The following MUC5AC variants were observed in gnomAD, a reference collection of about 807,000 sequenced individuals.
MUC5AC encodes the protein mucin 5AC, oligomeric mucus/gel-forming.
Under a neutral mutation model 169.7 loss-of-function variants are expected in MUC5AC, and 158 were observed. The ratio of observed to expected loss-of-function variants is 0.93; its 90% confidence interval spans 0.82 to 1.06. The LOEUF is 1.06. Ranked by LOEUF, MUC5AC falls within the 50% of genes least tolerant of loss-of-function variation. The probability of loss-of-function intolerance (pLI) is 0.00; values close to 1 mark genes in which losing one functional copy is unlikely to be tolerated. For missense variants in MUC5AC, 4,359 were observed against 3,089.9 expected (o/e 1.41, Z -9.74); for synonymous variants, 1,975 against 1,237.0 (o/e 1.60, Z -12.52).
In MUC5AC at chr11:1,200,602, C is replaced by G. The variant is rs768288682; in HGVS notation, c.16865C>G (p.Pro5622Arg). 1.3e-6 allele frequency: 1 copy of G among 764,516 alleles called. No individual in the cohort carries two copies. The highest frequency in any genetic ancestry group is 1.3e-5 in the South Asian group (1 of 74,554). The allele number at this position is 764,516 out of a possible 1,614,324, so 47.4% of individuals were successfully genotyped here. A position where few individuals can be genotyped will look rare whatever the true frequency, so the allele number is the denominator to read the frequency against. Residue 5622 changes from proline to arginine, a missense_variant, in exon 49 of 49, where the codon CCG becomes CGG. By Grantham distance (103) the Pro-to-Arg change is moderately radical (BLOSUM62 -2). Coordinates refer to ENST00000621226, the MANE Select transcript of MUC5AC (RefSeq NM_001304359.2). ...CGCMGRRCPAPGDTQHSEEAE... is the reference protein window; with the variant it reads ...CGCMGRRCPARGDTQHSEEAE... ...TGCATGGGCCGGCGGTGCCCTGCGC[C>G]GGGCGACACCCAGCACTCGGAGGAG...
Position 1,175,105 on chromosome 11 carries a change from T to C in MUC5AC, c.2316T>C (p.Asn772=), listed in dbSNP as rs943970732. The C allele has an allele frequency of 2.5e-5, 10 of 399,166 alleles. No homozygotes were observed. Among genetic ancestry groups the C allele is most frequent in the Admixed American group, 2.2e-4 (5 of 22,728 alleles). The allele number at this position is 399,166 out of a possible 1,614,324, so 24.7% of individuals were successfully genotyped here. The change falls in exon 18 of 49, where the codon AAT becomes AAC. Residue 772 remains asparagine (N), a synonymous_variant. Transcript: ENST00000621226. ...ACCACAGAGGCTCCATGATCCCCAA[T>C]GGGGAGTCGGTGCACGACAGCGGGG... is the stretch of plus-strand genomic sequence containing the variant. ...PCYHRGSMIP[N]GESVHDSGAI...
At position 1,190,289 on chromosome 11, in the gene MUC5AC, G is replaced by A; in HGVS notation, c.12144G>A (p.Val4048=). Residue 4048 remains valine, a synonymous_variant, in exon 31 of 49, where the codon GTG becomes GTA. Coordinates refer to ENST00000621226, the MANE Select transcript of MUC5AC (RefSeq NM_001304359.2). ...FKMCLNYEVR[V]LCCETPKGCP... ...TGTGCCTCAACTACGAGGTGCGTGT[G>A]CTCTGCTGCGAGACCCCCAAAGGCT... The A allele has an allele frequency of 8.5e-6, 6 of 703,222 alleles. No individual in the cohort carries two copies. Among genetic ancestry groups the A allele is most frequent in the South Asian group, 1.6e-5 (1 of 63,722 alleles). The allele number at this position is 703,222 out of a possible 1,614,324, so 43.6% of individuals were successfully genotyped here. A position where few individuals can be genotyped will look rare whatever the true frequency, so the allele number is the denominator to read the frequency against.
At position 1,184,946 on chromosome 11, in the gene MUC5AC, T is replaced by C. The variant is rs1388089931; in HGVS notation, c.6801T>C (p.Ser2267=). The change falls in exon 31 of 49, where the codon AGT becomes AGC. Residue 2267 remains serine, a synonymous_variant. Transcript: ENST00000621226. ...GCACAACCTCCACTCCACAGACCAG[T>C]ACAACCTATGCCCATACAACCAGCA... ...TTSTTSTPQT[S]TTYAHTTSTT... is the part of the protein sequence containing the mutation. 7 of 660,352 alleles carry C rather than the reference T, an allele frequency of 1.1e-5. No homozygotes were observed. Among genetic ancestry groups the C allele is most frequent in the African/African-American group, 3.6e-5 (2 of 55,812 alleles). The allele number at this position is 660,352 out of a possible 1,614,324, so 40.9% of individuals were successfully genotyped here. A position where few individuals can be genotyped will look rare whatever the true frequency, so the allele number is the denominator to read the frequency against.
In MUC5AC at chr11:1,194,607, G is replaced by GGA. The variant is rs1316593737; in HGVS notation, c.15128_15129insAG (p.Leu5044AlafsTer52). The GGA allele has an allele frequency of 1.3e-6, 1 of 764,464 alleles. No homozygotes were observed. The highest frequency in any genetic ancestry group is 1.7e-5 in the African/African-American group (1 of 59,140). The allele number at this position is 764,464 out of a possible 1,614,324, so 47.4% of individuals were successfully genotyped here. On this transcript the variant is annotated frameshift_variant, in exon 35 of 49. Coordinates refer to ENST00000621226, the MANE Select transcript of MUC5AC (RefSeq NM_001304359.2). LOFTEE classifies it high-confidence loss of function. ...GCTGGGAGTCCAGGTCATGTTCTCC[G>GGA]GCCTCATCTTCTCCGTGGAGGTGCC...
At position 1,183,599 on chromosome 11, in the gene MUC5AC, G is replaced by A; in HGVS notation, c.5454G>A (p.Val1818=). 2 of 644,540 alleles carry A rather than the reference G, an allele frequency of 3.1e-6. No individual in the cohort carries two copies. The highest frequency in any genetic ancestry group is 2.8e-6 in the Non-Finnish European group (1 of 359,598). 39.9% of individuals were successfully genotyped at this position (644,540 alleles called of 1,614,324 possible). The change falls in exon 31 of 49, where the codon GTG becomes GTA. Residue 1818 remains valine (V), a synonymous_variant. Coordinates refer to ENST00000621226, the MANE Select transcript of MUC5AC (RefSeq NM_001304359.2). ...AGTGCAGCCGGGAAGAGGGCCTGGT[G>A]TGCCGGAACCAGGACCAGCAGGGAC... ...VVQCSREEGL[V]CRNQDQQGPF...
chr11:1,182,732 C>G lies in MUC5AC; in HGVS notation c.4587C>G (p.Thr1529=). The change falls in exon 31 of 49, where the codon ACC becomes ACG. Residue 1529 remains threonine (T), a synonymous_variant. Coordinates refer to ENST00000621226, the MANE Select transcript of MUC5AC (RefSeq NM_001304359.2). ...STARTTPAPG[T]ATSVKKTFST... is the part of the protein sequence containing the mutation. ...CCAGGACGACACCTGCCCCAGGTAC[C>G]GCTACCTCTGTCAAAAAAACTTTCT... The G allele has an allele frequency of 2.5e-6, 1 of 398,494 alleles. No individual in the cohort carries two copies. The highest frequency in any genetic ancestry group is 4.4e-6 in the Non-Finnish European group (1 of 226,044). The allele number at this position is 398,494 out of a possible 1,614,324, so 24.7% of individuals were successfully genotyped here.
intron 9 of MUC5AC, among the ~76,000 whole-genome samples, chr11:1,164,818 G>A (rs1457453134): frequency 7.6e-5 from 11 of 144,484 alleles, no homozygotes; most frequent in Non-Finnish European, 1.7e-4. Context: ...GGCTGGCTGA[G>A]GCCCCTGTCC....
intron 6 of MUC5AC, 21 bp from the exon 7 acceptor site, chr11:1,163,861 C>T (rs1288686216): frequency 6.3e-7 from 1 of 1,578,062 alleles, no homozygotes; most frequent in Non-Finnish European, 8.6e-7. Context: ...CAGGCAGAGC[C>T]CGCCTCTGTG....
chr11:1,164,363 G>C lies in MUC5AC; in HGVS notation c.1003+44G>C. ...TGTCCCCCAACCCCTTTGGCAGGGA[G>C]GGCAGGGGCAGGCAGACGTGAGCCC... On this transcript the variant is annotated intron_variant, in intron 8 of 48. Coordinates refer to ENST00000621226, the MANE Select transcript of MUC5AC (RefSeq NM_001304359.2). 7 of 1,611,756 alleles carry C rather than the reference G, an allele frequency of 4.3e-6. No individual in the cohort carries two copies. The African/African-American group carries it at 6.7e-5, about 15-fold the overall frequency.
chr11:1,193,523 C>A lies in MUC5AC; in HGVS notation c.14619C>A (p.Ala4873=). The A allele has an allele frequency of 1.3e-6, 1 of 758,518 alleles. No homozygotes were observed. The highest frequency in any genetic ancestry group is 2.4e-6 in the Non-Finnish European group (1 of 415,100). 47.0% of individuals were successfully genotyped at this position (758,518 alleles called of 1,614,324 possible). A position where few individuals can be genotyped will look rare whatever the true frequency, so the allele number is the denominator to read the frequency against. ...GGGCCACACCCAACTGCTCCGAGGC[C>A]ACCTGTGAGGGCAACAACGTCATCT... ...ETWATPNCSE[A]TCEGNNVISL... The change falls in exon 33 of 49, where the codon GCC becomes GCA. Residue 4873 remains alanine (A), a synonymous_variant. Coordinates refer to ENST00000621226, the MANE Select transcript of MUC5AC (RefSeq NM_001304359.2).
Position 1,195,026 on chromosome 11 carries a change from G to A in MUC5AC, c.15205G>A (p.Asp5069Asn), listed in dbSNP as rs186625933. The A allele has an allele frequency of 1.7e-5, 13 of 744,750 alleles. No homozygotes were observed. Among genetic ancestry groups the A allele is most frequent in the Admixed American group, 1.2e-4 (7 of 56,326 alleles). The allele number at this position is 744,750 out of a possible 1,614,324, so 46.1% of individuals were successfully genotyped here. A position where few individuals can be genotyped will look rare whatever the true frequency, so the allele number is the denominator to read the frequency against. Residue 5069 changes from aspartate to asparagine, a missense_variant, in exon 36 of 49, where the codon GAC becomes AAC. Transcript: ENST00000621226. ...CGTCTGCCCAGGCACTTGCACCAACGACAGGAAGGATGAGTGCCGCACGCC... is the reference window on the plus strand; with the variant it reads ...CGTCTGCCCAGGCACTTGCACCAACAACAGGAAGGATGAGTGCCGCACGCC... Reference protein sequence around the residue: ...TEGQCGTCTNDRKDECRTPRG... With the variant: ...TEGQCGTCTNNRKDECRTPRG...
At chr11:1,197,340 G>A (rs1190383660) in intron 40 of MUC5AC, 128 bp from the exon 41 acceptor site, 4 of 628,770 alleles carry the variant, frequency 6.4e-6, no homozygotes, top group Non-Finnish European at 1.2e-5. Flanking sequence ...CCCTACTCCT[G>A]CTGGGTCCTC....
In MUC5AC at chr11:1,182,409, G is replaced by A. The variant is rs1328200319; in HGVS notation, c.4264G>A (p.Glu1422Lys). Residue 1422 changes from glutamate to lysine, a missense_variant, in exon 31 of 49, where the codon GAA becomes AAA. Coordinates refer to ENST00000621226, the MANE Select transcript of MUC5AC (RefSeq NM_001304359.2). Reference sequence around the variant, plus strand: ...CCGCGCCCATGGGTACCGGGTGTGCGAATCACCCAGGTCGGTGGAGTGCCG... The same window carrying A: ...CCGCGCCCATGGGTACCGGGTGTGCAAATCACCCAGGTCGGTGGAGTGCCG... Reference protein sequence around the residue: ...NLRAHGYRVCESPRSVECRAE... With the variant: ...NLRAHGYRVCKSPRSVECRAE... 14 of 398,490 alleles carry A rather than the reference G, an allele frequency of 3.5e-5. No homozygotes were observed. Among genetic ancestry groups the A allele is most frequent in the Non-Finnish European group, 5.8e-5 (13 of 226,044 alleles). 24.7% of individuals were successfully genotyped at this position (398,490 alleles called of 1,614,324 possible). A position where few individuals can be genotyped will look rare whatever the true frequency, so the allele number is the denominator to read the frequency against.
In MUC5AC at chr11:1,185,971, C is replaced by G. The variant is rs1310789000; in HGVS notation, c.7826C>G (p.Thr2609Arg). ...VPTTSITSAPTTSTNSAPISS... is the reference protein window; with the variant it reads ...VPTTSITSAPRTSTNSAPISS... ...ACCACCAGCATAACCTCTGCACCTA[C>G]AACCAGCACAAACTCTGCCCCTATA... is the stretch of plus-strand genomic sequence containing the variant. Residue 2609 changes from threonine to arginine, a missense_variant, in exon 31 of 49, where the codon ACA becomes AGA. Coordinates refer to ENST00000621226, the MANE Select transcript of MUC5AC (RefSeq NM_001304359.2). The G allele has an allele frequency of 1.4e-6, 1 of 734,426 alleles. No individual in the cohort carries two copies. The highest frequency in any genetic ancestry group is 1.7e-5 in the African/African-American group (1 of 58,004). The allele number at this position is 734,426 out of a possible 1,614,324, so 45.5% of individuals were successfully genotyped here.
rs752762449 is a variant in MUC5AC, at chr11:1,163,943, G to A, written c.741G>A (p.Gln247=). ...NLQKMDDPTD[Q]CQDPVPEPPR... is the part of the protein sequence containing the mutation. ...AGAAGATGGACGACCCCACGGACCAGTGTCAGGACCCTGTCCCTGAACCCC... is the reference window on the plus strand; with the variant it reads ...AGAAGATGGACGACCCCACGGACCAATGTCAGGACCCTGTCCCTGAACCCC... The change falls in exon 7 of 49, where the codon CAG becomes CAA. Residue 247 remains glutamine, a synonymous_variant. Transcript: ENST00000621226. The A allele has an allele frequency of 1.2e-6, 2 of 1,611,432 alleles. No individual in the cohort carries two copies. Among genetic ancestry groups the A allele is most frequent in the Admixed American group, 3.3e-5 (2 of 59,840 alleles).
At chr11:1,165,518 G>A (rs1860296755) in intron 10 of MUC5AC, 99 bp downstream of exon 10, 24 of 1,582,234 alleles carry the variant, frequency 1.5e-5, no homozygotes, top group South Asian at 1.3e-4. Flanking sequence ...TCTGGGCTAC[G>A]GTGTAGGCAG....
chr11:1,200,526 A>G lies in MUC5AC; in HGVS notation c.16789A>G (p.Thr5597Ala). Residue 5597 changes from threonine to alanine, a missense_variant, in exon 49 of 49, where the codon ACC becomes GCC. Transcript: ENST00000621226. ...GCTGAGGAATGTGACCCTGCACTGC[A>G]CCGACGGCTCCAGCCGGGCCTTCAG... Reference protein sequence around the residue: ...TSLRNVTLHCTDGSSRAFSYT... With the variant: ...TSLRNVTLHCADGSSRAFSYT... The G allele has an allele frequency of 1.3e-6, 1 of 761,300 alleles. No individual in the cohort carries two copies. Among genetic ancestry groups the G allele is most frequent in the African/African-American group, 1.7e-5 (1 of 59,160 alleles). 47.2% of individuals were successfully genotyped at this position (761,300 alleles called of 1,614,324 possible). A position where few individuals can be genotyped will look rare whatever the true frequency, so the allele number is the denominator to read the frequency against.
rs778335331 is a variant in MUC5AC at position 1,193,642 on chromosome 11, A to G, written c.14738A>G (p.His4913Arg). ...GTGGCTGACCAAGATGGCTGCTGCC[A>G]TCACTACCAGTGCCAGTGTGAGTGG... ...VKVADQDGCC[H>R]HYQCQCVCSG... Residue 4913 changes from histidine (H) to arginine (R), a missense_variant, in exon 33 of 49, where the codon CAT becomes CGT. Transcript: ENST00000621226. 1.3e-6 allele frequency: 1 copy of G among 764,992 alleles called. No individual in the cohort carries two copies. The highest frequency in any genetic ancestry group is 2.4e-6 in the Non-Finnish European group (1 of 417,830). 47.4% of individuals were successfully genotyped at this position (764,992 alleles called of 1,614,324 possible). A position where few individuals can be genotyped will look rare whatever the true frequency, so the allele number is the denominator to read the frequency against.
At position 1,158,185 on chromosome 11, in the gene MUC5AC, G is replaced by A. The variant is rs563521329; in HGVS notation, c.73+113G>A. On this transcript the variant is annotated intron_variant, in intron 1 of 48. Transcript: ENST00000621226. The stretch of plus-strand genomic sequence containing the variant: ...CGGGCAGGCTGCATGTGCCATGAAC[G>A]GCTCCCAGCAGCATAGCCCCTGACT... 8.1e-5 allele frequency: 77 copies of A among 951,352 alleles called. No individual in the cohort carries two copies. In the African/African-American group the frequency reaches 1.1e-3, roughly 13 times the overall value. The allele number at this position is 951,352 out of a possible 1,614,324, so 58.9% of individuals were successfully genotyped here.
Sources: allele counts gnomAD v4.1 joint callset (sites outside exome capture counted in the v4.1 genomes callset), GRCh38; gene constraint gnomAD v4.1.1; transcripts MANE v1.5; gene names NCBI Gene and HGNC (gene_info 2026-07-23, HGNC 2026-07-21).